Variants in MIR2052HG observed in about 807,000 individuals in gnomAD.
The protein encoded by MIR2052HG is MIR2052 host gene.
At chr8:74,637,959 G>A (rs762913195) in intron 2 of MIR2052HG, among the ~76,000 whole-genome samples, 4 of 152,118 alleles carry the variant, frequency 2.6e-5, no homozygotes, top group Non-Finnish European at 5.9e-5. Context: ...CAGCAGATGT[G>A]GAACCTGCTT....
chr8:74,646,918 A>G (rs1432715362), intron 2 of MIR2052HG, among the ~76,000 whole-genome samples: 1 of 152,120 alleles, frequency 6.6e-6, no homozygotes, highest in African/African-American at 2.4e-5. Context: ...ACAGAGTGAA[A>G]CCCTGTCTCA....
chr8:74,701,750 T>A (rs916001643), intron 2 of MIR2052HG, among the ~76,000 whole-genome samples: 1 of 152,130 alleles, frequency 6.6e-6, no homozygotes, highest in African/African-American at 2.4e-5. Context: ...TTTATGCATT[T>A]ACAATCAAGG....
intron 4 of MIR2052HG, among the ~76,000 whole-genome samples, chr8:74,744,356 G>C (rs1339934708): frequency 6.7e-6 from 1 of 150,350 alleles, no homozygotes; most frequent in Non-Finnish European, 1.5e-5. Context: ...TTAAGTTTTA[G>C]GGTACATGTG....
intron 2 of MIR2052HG, among the ~76,000 whole-genome samples, chr8:74,691,477 A>G (rs1809238953): frequency 6.6e-6 from 1 of 152,178 alleles, no homozygotes; most frequent in East Asian, 1.9e-4. Flanking sequence ...GTCATTGGCA[A>G]TGGGAAATTC....
chr8:74,706,768 A>G (rs1467896698), intron 4 of MIR2052HG, among the ~76,000 whole-genome samples: 1 of 152,122 alleles, frequency 6.6e-6, no homozygotes, highest in African/African-American at 2.4e-5. Context: ...TATACATGTA[A>G]AAACTGGAAA....
intron 2 of MIR2052HG, among the ~76,000 whole-genome samples, chr8:74,684,855 G>A (rs1809162898): frequency 1.3e-5 from 2 of 152,106 alleles, no homozygotes; most frequent in Non-Finnish European, 2.9e-5. Flanking sequence ...CAGCTATGCT[G>A]ACAATGGATT....
chr8:74,737,549 C>T (rs1323602489), intron 4 of MIR2052HG, among the ~76,000 whole-genome samples: 1 of 152,170 alleles, frequency 6.6e-6, no homozygotes, highest in African/African-American at 2.4e-5. Context: ...ACAACACCTC[C>T]TGCTATTTAC....
intron 1 of MIR2052HG, among the ~76,000 whole-genome samples, chr8:74,602,443 GAAAT>G (rs1047109889): frequency 1.3e-5 from 2 of 151,822 alleles, no homozygotes; most frequent in Non-Finnish European, 2.9e-5. Context: ...ATATGATCAA[GAAAT>G]AACCATAAAA....
intron 2 of MIR2052HG, among the ~76,000 whole-genome samples, chr8:74,616,154 T>G (rs1376316694): frequency 6.6e-6 from 1 of 151,946 alleles, no homozygotes; most frequent in Non-Finnish European, 1.5e-5. Flanking sequence ...GGTCAAATGG[T>G]ATTTCTAGTT....
At chr8:74,685,533 C>T (rs1346309286) in intron 2 of MIR2052HG, among the ~76,000 whole-genome samples, 2 of 152,072 alleles carry the variant, frequency 1.3e-5, no homozygotes, top group African/African-American at 4.8e-5. Flanking sequence ...GAAATTTATA[C>T]ACTTCTGTAG....
At chr8:74,699,281 T>C (rs1370897051) in intron 2 of MIR2052HG, among the ~76,000 whole-genome samples, 3 of 151,990 alleles carry the variant, frequency 2.0e-5, no homozygotes, top group African/African-American at 4.8e-5. Flanking sequence ...GAAAAAGAAG[T>C]CATCATACGA....
At chr8:74,625,647 A>G (rs1484133125) in intron 2 of MIR2052HG, among the ~76,000 whole-genome samples, 1 of 152,236 alleles carries the variant, frequency 6.6e-6, no homozygotes, top group East Asian at 1.9e-4. Flanking sequence ...AATAGATGCC[A>G]TTATCAAGAA....
intron 1 of MIR2052HG, among the ~76,000 whole-genome samples, chr8:74,608,927 TA>T (rs1196180462): frequency 1.3e-5 from 2 of 151,998 alleles, no homozygotes; most frequent in Non-Finnish European, 2.9e-5. Flanking sequence ...AAATACTTTT[TA>T]ATGTTACAGA....
At chr8:74,707,100 A>G (rs796312205) in intron 4 of MIR2052HG, among the ~76,000 whole-genome samples, 11 of 152,284 alleles carry the variant, frequency 7.2e-5, no homozygotes, top group African/African-American at 2.4e-4. Flanking sequence ...CCTGTGATGC[A>G]CAGTCAGTGT....
chr8:74,709,848 A>G (rs933908959), intron 4 of MIR2052HG, among the ~76,000 whole-genome samples: 2 of 152,138 alleles, frequency 1.3e-5, no homozygotes, highest in African/African-American at 4.8e-5. Flanking sequence ...AGTGAGTGAT[A>G]TTTCAGAACT....
chr8:74,611,415 TA>T, intron 1 of MIR2052HG, among the ~76,000 whole-genome samples: 1 of 152,258 alleles, frequency 6.6e-6, no homozygotes, highest in Middle Eastern at 3.4e-3. Context: ...TGGCGATTTT[TA>T]AAAAAATTAC....
intron 1 of MIR2052HG, among the ~76,000 whole-genome samples, chr8:74,601,446 G>C (rs532068418): frequency 6.6e-6 from 1 of 152,106 alleles, no homozygotes; most frequent in East Asian, 1.9e-4. Flanking sequence ...TCATCTGTAC[G>C]TGTTAAAATC....
At chr8:74,752,979 T>C (rs1401001777) in intron 5 of MIR2052HG, among the ~76,000 whole-genome samples, 1 of 152,140 alleles carries the variant, frequency 6.6e-6, no homozygotes, top group Non-Finnish European at 1.5e-5. Flanking sequence ...ACTGAAAGAG[T>C]TGCCATGTTG....
intron 4 of MIR2052HG, among the ~76,000 whole-genome samples, chr8:74,742,167 C>A (rs561038388): frequency 6.6e-6 from 1 of 152,186 alleles, no homozygotes; most frequent in South Asian, 2.1e-4. Flanking sequence ...TCCCAGGGCT[C>A]TGAACTATGA....
Sources: gnomAD v4.1 joint callset for allele counts (sites outside exome capture counted in the v4.1 genomes callset) on GRCh38, gnomAD v4.1.1 for gene constraint, MANE v1.5 for transcripts, NCBI Gene and HGNC (gene_info 2026-07-23, HGNC 2026-07-21) for gene names.